The following DIP2A variants were observed in gnomAD, a reference collection of about 807,000 sequenced individuals.
DIP2A encodes the protein DIP2 acetate--CoA ligase A.
In DIP2A, 85 loss-of-function variants were observed where a neutral mutation model predicts 177.4. The observed-to-expected ratio is 0.48, with a 90% CI of 0.40 to 0.57. The LOEUF is 0.57. Among genes scored for constraint, DIP2A ranks in the 20% least tolerant of loss-of-function variants. DIP2A has a pLI of 0.00. For synonymous variants in DIP2A, 886 were observed against 881.8 expected, an observed-to-expected ratio of 1.00 and a Z score of -0.08; for missense variants, 1,791 against 2,100.2, an observed-to-expected ratio of 0.85 and a Z score of 2.88.
At chr21:46,538,347 T>C in intron 15 of DIP2A, 136 bp from the exon 16 acceptor site, 1 of 1,301,454 alleles carries the variant, frequency 7.7e-7, no homozygotes, top group Non-Finnish European at 1.0e-6. Flanking sequence ...TGCAGAGAGC[T>C]TGTGACCTGG....
chr21:46,460,048 G>C lies in DIP2A; in HGVS notation c.91+826G>C, dbSNP rs992474592. On this transcript the variant is annotated intron_variant, in intron 1 of 37. Coordinates refer to ENST00000417564, the MANE Select transcript of DIP2A (RefSeq NM_015151.4). Reference sequence around the variant, plus strand: ...TTGCCGCGCGCCTCATACTCTAGGAGCTGCACCCTGTGCCTCATTTTATTA... The same window carrying C: ...TTGCCGCGCGCCTCATACTCTAGGACCTGCACCCTGTGCCTCATTTTATTA... Among the ~76,000 whole-genome samples the C allele has an allele frequency of 5.8e-4, 88 of 152,344 alleles. 1 individual carries two copies. Among genetic ancestry groups the C allele is most frequent in the African/African-American group, 2.0e-3 (83 of 41,582 alleles).
chr21:46,553,879 G>GT (rs1003124544), intron 25 of DIP2A: 27 of 277,420 alleles, frequency 9.7e-5, no homozygotes, highest in Non-Finnish European at 2.0e-4. Context: ...GACACCAGTC[G>GT]TGGACCATGT....
chr21:46,528,119 A>G (rs1230078161), intron 8 of DIP2A, among the ~76,000 whole-genome samples: 1 of 152,088 alleles, frequency 6.6e-6, no homozygotes, highest in Non-Finnish European at 1.5e-5. Context: ...TAAAGAATGG[A>G]TGGCATTGAT....
chr21:46,537,637 C>A lies in DIP2A; in HGVS notation c.1801+98C>A, dbSNP rs2059629341. 1 of 1,187,214 alleles carries A rather than the reference C, an allele frequency of 8.4e-7. No individual in the cohort carries two copies. Among genetic ancestry groups the A allele is most frequent in the African/African-American group, 1.5e-5 (1 of 65,928 alleles). The allele number at this position is 1,187,214 out of a possible 1,614,324, so 73.5% of individuals were successfully genotyped here. A position where few individuals can be genotyped will look rare whatever the true frequency, so the allele number is the denominator to read the frequency against. On this transcript the variant is annotated intron_variant, in intron 15 of 37. Coordinates refer to ENST00000417564, the MANE Select transcript of DIP2A (RefSeq NM_015151.4). This position sits in a 1 kb window ranked among gnomAD's most constrained non-coding sequence, Gnocchi z 4.1. ...GAAAAAATAAAGCTGACATGTGGAA[C>A]TGCAGATGTAGGCTGAAGAGCTGTG... is the stretch of plus-strand genomic sequence containing the variant.
intron 21 of DIP2A, among the ~76,000 whole-genome samples, chr21:46,549,391 G>C (rs149429047): frequency 6.6e-6 from 1 of 152,236 alleles, no homozygotes; most frequent in African/African-American, 2.4e-5. Flanking sequence ...CACTATAAAT[G>C]TCAATAGACT....
intron 18 of DIP2A, among the ~76,000 whole-genome samples, chr21:46,544,454 C>T (rs2059947691): frequency 6.6e-6 from 1 of 152,156 alleles, no homozygotes; most frequent in Admixed American, 6.5e-5. Context: ...CACCGCAACC[C>T]TCCAGACCCA....
At chr21:46,534,898 T>A (rs1746689225) in intron 13 of DIP2A, among the ~76,000 whole-genome samples, 2 of 152,160 alleles carry the variant, frequency 1.3e-5, no homozygotes, top group African/African-American at 4.8e-5. Flanking sequence ...GCACACGGTG[T>A]CTCTTAGCAG....
chr21:46,536,413 C>T (rs980369051), intron 13 of DIP2A, among the ~76,000 whole-genome samples: 2 of 152,146 alleles, frequency 1.3e-5, no homozygotes, highest in African/African-American at 4.8e-5. Context: ...GGTGAGAAAA[C>T]GGGCAGAGGA....
At position 46,547,057 on chromosome 21, in the gene DIP2A, A is replaced by T. The variant is rs2060081147; in HGVS notation, c.2522+15A>T. ...TACAGAGGCAGGTGATGCGCTGCGG[A>T]CCCCCACGCCGGGAGTAGATTCCTT... On this transcript the variant is annotated intron_variant, in intron 21 of 37. Coordinates refer to ENST00000417564, the MANE Select transcript of DIP2A (RefSeq NM_015151.4). 1 of 1,609,776 alleles carries T rather than the reference A, an allele frequency of 6.2e-7. No individual in the cohort carries two copies. The highest frequency in any genetic ancestry group is 1.3e-5 in the African/African-American group (1 of 74,530).
intron 8 of DIP2A, among the ~76,000 whole-genome samples, chr21:46,523,847 T>C (rs2058943340): frequency 6.6e-6 from 1 of 152,218 alleles, no homozygotes. Flanking sequence ...CAAGGACATT[T>C]TTCAACATGT....
Position 46,541,671 on chromosome 21 carries a change from G to A in DIP2A, c.2037-85G>A, listed in dbSNP as rs1250314693. On this transcript the variant is annotated intron_variant, in intron 17 of 37. Coordinates refer to ENST00000417564, the MANE Select transcript of DIP2A (RefSeq NM_015151.4). Reference sequence around the variant, plus strand: ...AACATGGAGCAGTGGCTTTGGTGCAGAATCATGCTGCAGGCAAGGTGGGCC... The same window carrying A: ...AACATGGAGCAGTGGCTTTGGTGCAAAATCATGCTGCAGGCAAGGTGGGCC... 3 of 1,532,434 alleles carry A rather than the reference G, an allele frequency of 2.0e-6. No homozygotes were observed. The African/African-American group carries it at 4.1e-5, about 21-fold the overall frequency. The allele number at this position is 1,532,434 out of a possible 1,614,324, so 94.9% of individuals were successfully genotyped here.
At chr21:46,470,831 A>G (rs1226666139) in intron 1 of DIP2A, among the ~76,000 whole-genome samples, 2 of 149,682 alleles carry the variant, frequency 1.3e-5, no homozygotes, top group African/African-American at 2.5e-5. Flanking sequence ...CAGGAGGCTG[A>G]GGCAGGAGAA....
In DIP2A at chr21:46,498,379, C is replaced by A. The variant is rs1568975003; in HGVS notation, c.404-203C>A. Among the ~76,000 whole-genome samples, 1 of 152,146 alleles carries A rather than the reference C, an allele frequency of 6.6e-6. No individual in the cohort carries two copies. The highest frequency in any genetic ancestry group is 1.5e-5 in the Non-Finnish European group (1 of 68,020). ...CTGGGGAGCTGGGGGCTCATGGAAT[C>A]ATTTTCCCCACAGTAGGGCTTCTTG... On this transcript the variant is annotated intron_variant, in intron 4 of 37. Coordinates refer to ENST00000417564, the MANE Select transcript of DIP2A (RefSeq NM_015151.4). This position sits in a 1 kb window ranked among gnomAD's most constrained non-coding sequence, Gnocchi z 4.3.
rs1392032802 is a variant in DIP2A, at chr21:46,540,008, CTA to C, written c.2036+19_2036+20del. 3 of 1,596,946 alleles carry C rather than the reference CTA, an allele frequency of 1.9e-6. No individual in the cohort carries two copies. Among genetic ancestry groups the C allele is most frequent in the African/African-American group, 2.7e-5 (2 of 74,698 alleles). The stretch of plus-strand genomic sequence containing the variant: ...CATCCGCAGGTAACCTTATTCCTTG[CTA>C]TGTCTCATGAGCACTTAGTTGAATC... On this transcript the variant is annotated intron_variant, in intron 17 of 37. Coordinates refer to ENST00000417564, the MANE Select transcript of DIP2A (RefSeq NM_015151.4).
intron 8 of DIP2A, among the ~76,000 whole-genome samples, chr21:46,515,332 G>A (rs976544452): frequency 6.6e-6 from 1 of 152,144 alleles, no homozygotes; most frequent in Non-Finnish European, 1.5e-5. Flanking sequence ...AGCTCCTCCT[G>A]CCCAATCTTG....
At chr21:46,492,345 T>C (rs1380987164) in intron 3 of DIP2A, among the ~76,000 whole-genome samples, 1 of 152,208 alleles carries the variant, frequency 6.6e-6, no homozygotes, top group Non-Finnish European at 1.5e-5. Flanking sequence ...GTTCTATTGA[T>C]CTATTCGTCT....
intron 21 of DIP2A, among the ~76,000 whole-genome samples, chr21:46,549,194 A>G (rs2060176559): frequency 6.6e-6 from 1 of 152,168 alleles, no homozygotes; most frequent in African/African-American, 2.4e-5. Flanking sequence ...GTATATCCAT[A>G]ATGTCCCAGA....
chr21:46,482,749 C>T (rs907508591), intron 1 of DIP2A, among the ~76,000 whole-genome samples: 1 of 151,958 alleles, frequency 6.6e-6, no homozygotes, highest in African/African-American at 2.4e-5. Flanking sequence ...ATTGTGTTGC[C>T]GAGTGAAGGA....
chr21:46,518,221 G>T (rs2058670380), intron 8 of DIP2A, among the ~76,000 whole-genome samples: 1 of 152,204 alleles, frequency 6.6e-6, no homozygotes, highest in African/African-American at 2.4e-5. Context: ...GAAGATTCTG[G>T]TGTGTGCCAC....
Sources: allele counts gnomAD v4.1 joint callset (sites outside exome capture counted in the v4.1 genomes callset), GRCh38; gene constraint gnomAD v4.1.1; non-coding constraint Gnocchi (gnomAD v3.1); transcripts MANE v1.5; gene names NCBI Gene and HGNC (gene_info 2026-07-23, HGNC 2026-07-21).